PIP5K1B: variants seen among roughly 807,000 people sequenced by gnomAD.
PIP5K1B encodes phosphatidylinositol-4-phosphate 5-kinase type 1 beta, also known as phosphatidylinositol 4-phosphate 5-kinase type-1 beta.
In PIP5K1B, 42 loss-of-function variants were observed where a neutral mutation model predicts 67.0. The observed-to-expected ratio is 0.63, with a 90% CI of 0.49 to 0.81. PIP5K1B has a LOEUF of 0.81. PIP5K1B is among the 30% of genes least tolerant of loss of function. PIP5K1B has a pLI of 0.00. For synonymous variants in PIP5K1B, 214 were observed against 231.4 expected, an observed-to-expected ratio of 0.92 and a Z score of 0.68; for missense variants, 459 against 646.3, an observed-to-expected ratio of 0.71 and a Z score of 3.14.
At chr9:68,967,934 C>T (rs1264424272) in intron 14 of PIP5K1B, among the ~76,000 whole-genome samples, 1 of 48,568 alleles carries the variant, frequency 2.1e-5, no homozygotes, top group East Asian at 7.5e-4. Flanking sequence ...ACACAGAATA[C>T]CAGAAGGATT....
chr9:68,856,140 G>A (rs962945266), intron 4 of PIP5K1B, among the ~76,000 whole-genome samples: 1 of 152,060 alleles, frequency 6.6e-6, no homozygotes, highest in Non-Finnish European at 1.5e-5. Flanking sequence ...CATTAGGATG[G>A]CCTATAAGAC....
intron 1 of PIP5K1B, among the ~76,000 whole-genome samples, chr9:68,709,859 A>G (rs142169760): frequency 1.3e-5 from 2 of 152,308 alleles, no homozygotes; most frequent in Non-Finnish European, 2.9e-5. Flanking sequence ...GCAGTGAGCT[A>G]TGATCGCACC....
At chr9:68,717,648 C>G (rs1827697336) in intron 1 of PIP5K1B, among the ~76,000 whole-genome samples, 1 of 151,984 alleles carries the variant, frequency 6.6e-6, no homozygotes, top group Non-Finnish European at 1.5e-5. Flanking sequence ...TTATAAGAGC[C>G]CGAATCCCAC....
At chr9:68,931,748 G>A (rs1827009550) in intron 12 of PIP5K1B, among the ~76,000 whole-genome samples, 1 of 152,212 alleles carries the variant, frequency 6.6e-6, no homozygotes, top group Admixed American at 6.5e-5. Flanking sequence ...TGAACATGGA[G>A]GCAGTCGAGT....
intron 14 of PIP5K1B, among the ~76,000 whole-genome samples, chr9:68,976,299 C>T (rs1389725113): frequency 2.0e-5 from 3 of 152,154 alleles, no homozygotes; most frequent in Non-Finnish European, 2.9e-5. Context: ...TCCAGTATGC[C>T]ACTCTGATCT....
intron 1 of PIP5K1B, among the ~76,000 whole-genome samples, chr9:68,729,708 T>C (rs531715069): frequency 6.6e-6 from 1 of 152,220 alleles, no homozygotes; most frequent in South Asian, 2.1e-4. Context: ...TCCATAGTAA[T>C]AGTAAAAGCA....
intron 2 of PIP5K1B, among the ~76,000 whole-genome samples, chr9:68,813,394 G>A (rs549821472): frequency 2.0e-5 from 3 of 152,344 alleles, no homozygotes; most frequent in East Asian, 1.9e-4. Flanking sequence ...TTAGAGTGGA[G>A]CAGGCAATGA....
chr9:68,740,491 A>G (rs1828951712), intron 1 of PIP5K1B, among the ~76,000 whole-genome samples: 1 of 152,166 alleles, frequency 6.6e-6, no homozygotes, highest in Admixed American at 6.5e-5. Context: ...CTTCTCCATA[A>G]TCACAGAGAT....
At chr9:68,875,793 G>T (rs1353703798) in intron 5 of PIP5K1B, among the ~76,000 whole-genome samples, 1 of 152,074 alleles carries the variant, frequency 6.6e-6, no homozygotes, top group Non-Finnish European at 1.5e-5. Flanking sequence ...AAAATTTTAA[G>T]AACAAAAACA....
intron 1 of PIP5K1B, among the ~76,000 whole-genome samples, chr9:68,721,296 C>G (rs1469436613): frequency 1.3e-5 from 2 of 152,040 alleles, no homozygotes; most frequent in African/African-American, 2.4e-5. Flanking sequence ...GGAGACTAAT[C>G]ACAGAAGAGA....
In PIP5K1B at chr9:68,938,497, A is replaced by G. The variant is rs561548004; in HGVS notation, c.1358-2149A>G. Among the ~76,000 whole-genome samples, 108 of 152,214 alleles carry G rather than the reference A, an allele frequency of 7.1e-4. 1 individual carries two copies. The highest frequency in any genetic ancestry group is 1.0e-3 in the South Asian group (5 of 4,816). Reference sequence around the variant, plus strand: ...ATTTTGAGCCTATGTGAGTCTGCACATGAGATGGGTCTCCTGAATACAGCA... The same window carrying G: ...ATTTTGAGCCTATGTGAGTCTGCACGTGAGATGGGTCTCCTGAATACAGCA... On this transcript the variant is annotated intron_variant, in intron 13 of 15. Transcript: ENST00000265382.
At chr9:68,960,319 T>G (rs1828646402) in intron 14 of PIP5K1B, among the ~76,000 whole-genome samples, 1 of 152,204 alleles carries the variant, frequency 6.6e-6, no homozygotes, top group Non-Finnish European at 1.5e-5. Flanking sequence ...AAAGATGTCT[T>G]TTTCTTAATT....
chr9:68,885,101 A>T (rs1413687401), intron 6 of PIP5K1B, among the ~76,000 whole-genome samples: 1 of 152,228 alleles, frequency 6.6e-6, no homozygotes, highest in Non-Finnish European at 1.5e-5. Flanking sequence ...TGTGATGTAT[A>T]TACACAATGG....
intron 14 of PIP5K1B, among the ~76,000 whole-genome samples, chr9:68,962,660 G>A (rs1828814289): frequency 2.6e-5 from 4 of 152,202 alleles, no homozygotes; most frequent in Admixed American, 2.6e-4. Context: ...ATTATGGGCA[G>A]GGGGACAGTG....
intron 5 of PIP5K1B, among the ~76,000 whole-genome samples, chr9:68,874,265 C>G (rs1823766993): frequency 6.6e-6 from 1 of 152,052 alleles, no homozygotes; most frequent in Non-Finnish European, 1.5e-5. Context: ...TTAATATGGC[C>G]CAAAGATAGC....
intron 14 of PIP5K1B, among the ~76,000 whole-genome samples, chr9:68,952,275 T>C (rs1005636825): frequency 6.6e-6 from 1 of 152,212 alleles, no homozygotes; most frequent in Non-Finnish European, 1.5e-5. Context: ...TCTCAAACCA[T>C]TTAAGTGCAT....
At chr9:68,730,548 T>C (rs1828373680) in intron 1 of PIP5K1B, among the ~76,000 whole-genome samples, 1 of 152,220 alleles carries the variant, frequency 6.6e-6, no homozygotes, top group African/African-American at 2.4e-5. Flanking sequence ...CCATATCCAG[T>C]TACAACATTA....
At chr9:68,859,868 A>G (rs1822972072) in intron 4 of PIP5K1B, among the ~76,000 whole-genome samples, 1 of 152,206 alleles carries the variant, frequency 6.6e-6, no homozygotes, top group Admixed American at 6.5e-5. Context: ...TGTGCCTCAG[A>G]CATTTCCACA....
intron 2 of PIP5K1B, among the ~76,000 whole-genome samples, chr9:68,816,188 G>A (rs1285028313): frequency 6.6e-6 from 1 of 152,106 alleles, no homozygotes; most frequent in Non-Finnish European, 1.5e-5. Context: ...GAGTGCAATG[G>A]CCCGATCTCG....
Sources: gnomAD v4.1 joint callset for allele counts (sites outside exome capture counted in the v4.1 genomes callset) on GRCh38, gnomAD v4.1.1 for gene constraint, MANE v1.5 for transcripts, NCBI Gene and HGNC (gene_info 2026-07-23, HGNC 2026-07-21) for gene names.